RNPS1: variants seen among roughly 807,000 people sequenced by gnomAD.
The protein encoded by RNPS1 is RNA-binding protein with serine-rich domain 1.
For synonymous variants in RNPS1, 147 were observed against 150.0 expected (o/e 0.98, Z 0.15); for missense variants, 300 against 427.6 (o/e 0.70, Z 2.63).
Position 2,253,881 on chromosome 16 carries a change from A to G in RNPS1, c.*83T>C, listed in dbSNP as rs1433270453. The G allele has an allele frequency of 8.0e-7, 1 of 1,245,832 alleles. No homozygotes were observed. The highest frequency in any genetic ancestry group is 2.5e-5 in the East Asian group (1 of 39,468). The allele number at this position is 1,245,832 out of a possible 1,614,324, so 77.2% of individuals were successfully genotyped here. A position where few individuals can be genotyped will look rare whatever the true frequency, so the allele number is the denominator to read the frequency against. On this transcript the variant is annotated 3_prime_UTR_variant, in exon 8 of 8. Transcript: ENST00000320225. The stretch of plus-strand genomic sequence containing the variant: ...GCCAGAGTCAAGGGTTTGCTTTCCT[A>G]CTGGTCTTCCTTTGGCTAGAAAAGT...
chr16:2,254,135 TC>T, intron 7 of RNPS1, 72 bp from the exon 8 acceptor site: 1 of 1,116,290 alleles, frequency 9.0e-7, no homozygotes, highest in Non-Finnish European at 1.2e-6. Context: ...TCTGGGCAAT[TC>T]CCCATAGTTT....
At position 2,268,079 on chromosome 16, in the gene RNPS1, C is replaced by T. The variant is rs1392122068; in HGVS notation, c.-142G>A. On this transcript the variant is annotated 5_prime_UTR_variant, in exon 1 of 8. Transcript: ENST00000320225. ...CATCTTCCCGCCGCCGCCACCTCCT[C>T]CTGCTTTCCTCAGCCGCCGAGGCCG... 6.5e-6 allele frequency: 10 copies of T among 1,535,508 alleles called. No homozygotes were observed. The highest frequency in any genetic ancestry group is 7.8e-6 in the Non-Finnish European group (9 of 1,146,670).
At position 2,264,249 on chromosome 16, in the gene RNPS1, A is replaced by C; in HGVS notation, c.154T>G (p.Ser52Ala). 6.2e-7 allele frequency: 1 copy of C among 1,613,258 alleles called. No individual in the cohort carries two copies. ...TCCCGGCCGCGATCCTTCTCACTCGACTCCTTGGTGGCCCCTTTATCTTTT... is the reference window on the plus strand; with the variant it reads ...TCCCGGCCGCGATCCTTCTCACTCGCCTCCTTGGTGGCCCCTTTATCTTTT... ...RSKDKGATKE[S>A]SEKDRGRDKT... Residue 52 changes from serine to alanine, a missense_variant, in exon 3 of 8, where the codon TCG becomes GCG. By Grantham distance (99) the Ser-to-Ala change is moderately conservative. Transcript: ENST00000320225.
Position 2,268,080 on chromosome 16 carries a change from CTGCT to C in RNPS1, c.-147_-144del. 1 of 1,535,490 alleles carries C rather than the reference CTGCT, an allele frequency of 6.5e-7. No homozygotes were observed. The highest frequency in any genetic ancestry group is 1.2e-5 in the South Asian group (1 of 84,040). On this transcript the variant is annotated 5_prime_UTR_variant, in exon 1 of 8. Coordinates refer to ENST00000320225, the MANE Select transcript of RNPS1 (RefSeq NM_080594.4). ...ATCTTCCCGCCGCCGCCACCTCCTC[CTGCT>C]TTCCTCAGCCGCCGAGGCCGGCGCC...
At chr16:2,260,837 A>C (rs911474708) in intron 6 of RNPS1, among the ~76,000 whole-genome samples, 1 of 152,210 alleles carries the variant, frequency 6.6e-6, no homozygotes, top group African/African-American at 2.4e-5. Flanking sequence ...GAAGCCCCCA[A>C]AAAAAATTGT....
chr16:2,263,139 G>A lies in RNPS1; in HGVS notation c.376C>T (p.Pro126Ser), dbSNP rs948880481. ...SSSSSSGSPS[P>S]SRRRHDNRRR... ...CTGTTGTCGTGTCTGCGCCGAGAAG[G>A]ACTTGGAGAGCCAGAAGAGCTGCTA... The change falls in exon 4 of 8, where the codon CCT (proline) becomes TCT (serine). Residue 126 changes from proline to serine, a missense_variant. By Grantham distance (74) the Pro-to-Ser change is moderately conservative. Transcript: ENST00000320225. The A allele has an allele frequency of 2.5e-6, 4 of 1,613,446 alleles. No homozygotes were observed. The highest frequency in any genetic ancestry group is 1.7e-6 in the Non-Finnish European group (2 of 1,179,858).
chr16:2,267,651 G>C (rs2093630429), intron 1 of RNPS1: 1 of 1,098,808 alleles, frequency 9.1e-7, no homozygotes, highest in South Asian at 3.2e-5. Context: ...CTACCCGTCC[G>C]CGTTCACTCA....
intron 7 of RNPS1, among the ~76,000 whole-genome samples, chr16:2,254,698 T>A (rs2093569124): frequency 6.6e-6 from 1 of 151,324 alleles, no homozygotes; most frequent in Non-Finnish European, 1.5e-5. Flanking sequence ...CCCAAAGTGC[T>A]GGGATTACAG....
At chr16:2,264,139 AC>A (rs1426173979) in intron 3 of RNPS1, 36 bp downstream of exon 3, 11 of 1,610,412 alleles carry the variant, frequency 6.8e-6, no homozygotes, top group African/African-American at 1.3e-5. Flanking sequence ...TAGCTGTGGC[AC>A]AGGTCCTCTC....
intron 1 of RNPS1, chr16:2,267,375 C>G: frequency 2.0e-6 from 2 of 984,224 alleles, no homozygotes; most frequent in Non-Finnish European, 2.4e-6. Flanking sequence ...AAAGCCTACT[C>G]CACGTTTCTC....
chr16:2,254,709 G>A (rs983798640), intron 7 of RNPS1, among the ~76,000 whole-genome samples: 7 of 149,620 alleles, frequency 4.7e-5, no homozygotes, highest in Non-Finnish European at 1.0e-4. Flanking sequence ...GGGATTACAG[G>A]CGATTGCTAC....
In RNPS1 at chr16:2,267,849, G is replaced by A. The variant is rs1220110746; in HGVS notation, c.-118+206C>T. ...GCACAGGCGCCCTTCCGTCCGCAGC[G>A]GCCCCGACCACTTCCGGGCCACGGC... On this transcript the variant is annotated intron_variant, in intron 1 of 7. Coordinates refer to ENST00000320225, the MANE Select transcript of RNPS1 (RefSeq NM_080594.4). 6.0e-6 allele frequency: 9 copies of A among 1,508,808 alleles called. No individual in the cohort carries two copies. In the South Asian group the frequency reaches 6.3e-5, roughly 11 times the overall value. 93.5% of individuals were successfully genotyped at this position (1,508,808 alleles called of 1,614,324 possible). A position where few individuals can be genotyped will look rare whatever the true frequency, so the allele number is the denominator to read the frequency against.
chr16:2,262,517 C>T lies in RNPS1; in HGVS notation c.523-86G>A, dbSNP rs867521895. ...GAGCTCAGCACATCATGACTAAAAC[C>T]TCGGCAGGGTAAAACATTCCATCTG... On this transcript the variant is annotated intron_variant, in intron 5 of 7. Transcript: ENST00000320225. The T allele has an allele frequency of 1.5e-5, 21 of 1,436,262 alleles. No homozygotes were observed. The Middle Eastern group carries it at 2.3e-3, about 156-fold the overall frequency. The allele number at this position is 1,436,262 out of a possible 1,614,324, so 89.0% of individuals were successfully genotyped here.
intron 1 of RNPS1, 95 bp from the exon 2 acceptor site, chr16:2,264,855 AGGGAGCAC>A (rs1486248238): frequency 9.6e-7 from 1 of 1,036,712 alleles, no homozygotes; most frequent in Non-Finnish European, 1.3e-6. Context: ...AAAGGCAGCA[AGGGAGCAC>A]GGTAAGCAAT....
intron 5 of RNPS1, 114 bp downstream of exon 5, chr16:2,262,626 C>A: frequency 9.5e-7 from 1 of 1,053,978 alleles, no homozygotes; most frequent in Non-Finnish European, 1.4e-6. Flanking sequence ...ATGCTGTACT[C>A]AAACCACATG....
chr16:2,264,399 CGG>C (rs1287289321), intron 2 of RNPS1, 68 bp from the exon 3 acceptor site: 74 of 1,607,118 alleles, frequency 4.6e-5, no homozygotes, highest in Non-Finnish European at 6.2e-5. Context: ...CAACCCAAAA[CGG>C]GGGATCAGCA....
intron 6 of RNPS1, among the ~76,000 whole-genome samples, chr16:2,259,573 A>G (rs970971671): frequency 6.6e-5 from 10 of 152,248 alleles, no homozygotes; most frequent in African/African-American, 2.2e-4. Flanking sequence ...CAGAATAAAG[A>G]AAAAACATTC....
rs1218509349 is a variant in RNPS1 at position 2,267,443 on chromosome 16, C to T, written c.-118+612G>A. Reference sequence around the variant, plus strand: ...CTCTGGGGTAACCCATCAAACTGAGCTCGGCCACCGTGCTCGGTCCATAGT... The same window carrying T: ...CTCTGGGGTAACCCATCAAACTGAGTTCGGCCACCGTGCTCGGTCCATAGT... On this transcript the variant is annotated intron_variant, in intron 1 of 7. Transcript: ENST00000320225. 5 of 970,256 alleles carry T rather than the reference C, an allele frequency of 5.2e-6. No individual in the cohort carries two copies. The African/African-American group carries it at 7.0e-5, about 14-fold the overall frequency. The allele number at this position is 970,256 out of a possible 1,614,324, so 60.1% of individuals were successfully genotyped here. A position where few individuals can be genotyped will look rare whatever the true frequency, so the allele number is the denominator to read the frequency against.
intron 6 of RNPS1, 22 bp downstream of exon 6, chr16:2,262,256 G>A (rs1369579212): frequency 6.2e-7 from 1 of 1,610,958 alleles, no homozygotes; most frequent in South Asian, 1.1e-5. Context: ...AGAGGTCAGG[G>A]TTATGTGGCA....
Sources: gnomAD v4.1 joint callset for allele counts (sites outside exome capture counted in the v4.1 genomes callset) on GRCh38, gnomAD v4.1.1 for gene constraint, MANE v1.5 for transcripts, NCBI Gene and HGNC (gene_info 2026-07-23, HGNC 2026-07-21) for gene names.